DOK6: variants seen among roughly 807,000 people sequenced by gnomAD.
DOK6 encodes downstream of tyrosine kinase 6.
In DOK6, 22 loss-of-function variants were observed where a neutral mutation model predicts 44.0. The ratio of observed to expected loss-of-function variants is 0.50; its 90% CI spans 0.36 to 0.71. The LOEUF (loss-of-function observed/expected upper bound fraction) is 0.71, where lower values mean the gene tolerates loss of function less well. Among genes scored for constraint, DOK6 ranks in the 30% least tolerant of loss-of-function variants. The pLI, the probability that DOK6 is intolerant of heterozygous loss-of-function variation, is 0.00. For missense variants in DOK6, 340 were observed against 416.4 expected, an observed-to-expected ratio of 0.82 and a Z score of 1.60; for synonymous variants, 166 against 145.5, an observed-to-expected ratio of 1.14 and a Z score of -1.01.
chr18:69,529,824 C>G (rs954444880), intron 1 of DOK6, among the ~76,000 whole-genome samples: 1 of 152,168 alleles, frequency 6.6e-6, no homozygotes, highest in East Asian at 1.9e-4. Flanking sequence ...TTTTGGTACC[C>G]CTGTATTTCA....
intron 3 of DOK6, among the ~76,000 whole-genome samples, chr18:69,645,050 G>A (rs1313513994): frequency 2.6e-5 from 4 of 152,126 alleles, no homozygotes; most frequent in Admixed American, 6.6e-5. Context: ...TCAAAGATAC[G>A]CAATCTTTGT....
At chr18:69,699,091 C>A (rs1021841787) in intron 5 of DOK6, among the ~76,000 whole-genome samples, 1 of 152,082 alleles carries the variant, frequency 6.6e-6, no homozygotes, top group East Asian at 1.9e-4. Context: ...CCATAAGGGT[C>A]TGAAATGAAT....
rs143820468 is a variant in DOK6, at chr18:69,528,699, C to T, written c.67-35788C>T. ...ATCTCCATAGACTGTATCCATCATC[C>T]ATGACGTAGCTCTATCTGGGCCTCA... On this transcript the variant is annotated intron_variant, in intron 1 of 7. Coordinates refer to ENST00000382713, the MANE Select transcript of DOK6 (RefSeq NM_152721.6). Among the ~76,000 whole-genome samples the T allele has an allele frequency of 5.3e-5, 8 of 152,298 alleles. No individual in the cohort carries two copies. In the East Asian group the frequency reaches 1.5e-3, roughly 29 times the overall value.
intron 7 of DOK6, among the ~76,000 whole-genome samples, chr18:69,764,105 G>C (rs1284586569): frequency 6.6e-6 from 1 of 152,080 alleles, no homozygotes; most frequent in Non-Finnish European, 1.5e-5. Flanking sequence ...GCTACTACTA[G>C]TCTTTATTTT....
At chr18:69,762,670 A>T (rs1033280955) in intron 7 of DOK6, among the ~76,000 whole-genome samples, 9 of 152,232 alleles carry the variant, frequency 5.9e-5, no homozygotes, top group South Asian at 2.1e-4. Context: ...AGAGATTAAG[A>T]TTCATTAATA....
chr18:69,793,794 G>T (rs1599328782), intron 7 of DOK6, among the ~76,000 whole-genome samples: 2 of 152,002 alleles, frequency 1.3e-5, no homozygotes, highest in South Asian at 4.2e-4. Flanking sequence ...TAGAGAGAAA[G>T]AAATAAGCAC....
At chr18:69,408,186 T>C (rs1214352342) in intron 1 of DOK6, among the ~76,000 whole-genome samples, 2 of 152,202 alleles carry the variant, frequency 1.3e-5, no homozygotes, top group African/African-American at 4.8e-5. Flanking sequence ...TTGGAGTATA[T>C]ATAGACAAGT....
intron 1 of DOK6, among the ~76,000 whole-genome samples, chr18:69,493,335 C>A (rs1390637226): frequency 6.6e-6 from 1 of 152,172 alleles, no homozygotes; most frequent in Admixed American, 6.5e-5. Flanking sequence ...CAACAATGCA[C>A]CATGTTTAGT....
intron 4 of DOK6, 118 bp downstream of exon 4, chr18:69,677,971 G>A (rs187476931): frequency 2.4e-5 from 34 of 1,406,468 alleles, no homozygotes; most frequent in African/African-American, 1.3e-4. Flanking sequence ...CAAAAAGGCC[G>A]AGTGCAGTGG....
chr18:69,624,493 A>T (rs1984512228), intron 3 of DOK6, among the ~76,000 whole-genome samples: 1 of 152,118 alleles, frequency 6.6e-6, no homozygotes, highest in Non-Finnish European at 1.5e-5. Context: ...TTGTAGTCTC[A>T]CTGCTAAAAA....
chr18:69,586,691 C>T (rs995792622), intron 2 of DOK6, among the ~76,000 whole-genome samples: 5 of 152,286 alleles, frequency 3.3e-5, no homozygotes, highest in South Asian at 2.1e-4. Flanking sequence ...CTGCTTGCTG[C>T]GGCCCCCATC....
At chr18:69,515,628 A>G (rs985402999) in intron 1 of DOK6, among the ~76,000 whole-genome samples, 2 of 152,248 alleles carry the variant, frequency 1.3e-5, no homozygotes, top group African/African-American at 2.4e-5. Context: ...ACAGCTTTCT[A>G]AAAAGAAACA....
At chr18:69,448,989 C>T (rs919117231) in intron 1 of DOK6, among the ~76,000 whole-genome samples, 3 of 152,094 alleles carry the variant, frequency 2.0e-5, no homozygotes, top group African/African-American at 7.2e-5. Flanking sequence ...TTTGAAAGTA[C>T]AAAGAAGAGC....
At chr18:69,610,299 C>T (rs542177948) in intron 3 of DOK6, among the ~76,000 whole-genome samples, 3 of 152,184 alleles carry the variant, frequency 2.0e-5, no homozygotes, top group East Asian at 3.9e-4. Flanking sequence ...TTCAAGAAAA[C>T]TGTCTATTGC....
Position 69,757,932 on chromosome 18 carries a change from G to A in DOK6, c.856+59G>A, listed in dbSNP as rs192151712. 26 of 1,436,396 alleles carry A rather than the reference G, an allele frequency of 1.8e-5. 1 individual carries two copies. The East Asian group carries it at 5.7e-4, about 31-fold the overall frequency. 89.0% of individuals were successfully genotyped at this position (1,436,396 alleles called of 1,614,324 possible). ...CATAAGCTTCCTCCAGGTGGACTGA[G>A]TCATGCAAATTGCTTTGTATTTGCA... is the stretch of plus-strand genomic sequence containing the variant. On this transcript the variant is annotated intron_variant, in intron 7 of 7. Transcript: ENST00000382713.
intron 5 of DOK6, among the ~76,000 whole-genome samples, chr18:69,701,315 C>T (rs762309194): frequency 6.6e-5 from 10 of 152,346 alleles, no homozygotes; most frequent in East Asian, 1.9e-4. Flanking sequence ...CACATCAGCT[C>T]GGAGCAATTG....
chr18:69,599,081 A>G (rs4635430), intron 2 of DOK6, among the ~76,000 whole-genome samples: 60,367 of 151,936 alleles, frequency 0.4, 12,080 homozygotes, highest in Middle Eastern at 0.51. Flanking sequence ...CTGTTATACC[A>G]CAACTGCTAT....
intron 1 of DOK6, among the ~76,000 whole-genome samples, chr18:69,435,498 G>A (rs1978951425): frequency 6.6e-6 from 1 of 152,180 alleles, no homozygotes. Context: ...TCTGAGGGGA[G>A]ACAGAAAGCG....
At chr18:69,413,209 C>A (rs1349590915) in intron 1 of DOK6, among the ~76,000 whole-genome samples, 2 of 152,014 alleles carry the variant, frequency 1.3e-5, no homozygotes, top group African/African-American at 2.4e-5. Context: ...GATAAAACAG[C>A]ATTATTGGAA....
Sources: gnomAD v4.1 joint callset for allele counts (sites outside exome capture counted in the v4.1 genomes callset) on GRCh38, gnomAD v4.1.1 for gene constraint, MANE v1.5 for transcripts, NCBI Gene and HGNC (gene_info 2026-07-23, HGNC 2026-07-21) for gene names.